Variants in HS6ST2 observed in about 807,000 individuals in gnomAD.
HS6ST2 encodes the protein heparan-sulfate 6-O-sulfotransferase 2.
A neutral mutation model predicts 33.0 loss-of-function variants in HS6ST2; 17 were observed. The ratio of observed to expected loss-of-function variants is 0.52; its 90% CI spans 0.35 to 0.77. The LOEUF is 0.77. Among genes scored for constraint, HS6ST2 ranks in the 30% least tolerant of loss-of-function variants. The pLI is 0.01. For synonymous variants in HS6ST2, 248 were observed against 237.1 expected (o/e 1.05, Z -0.42); for missense variants, 519 against 551.7 (o/e 0.94, Z 0.59).
chrX:132,761,343 C>T (rs2064803232), intron 2 of HS6ST2, among the ~76,000 whole-genome samples: 1 of 111,591 alleles, frequency 9.0e-6, no homozygotes, highest in African/African-American at 3.3e-5. Flanking sequence ...AGTGAGTGCC[C>T]AGAAGTCAAT....
intron 4 of HS6ST2, among the ~76,000 whole-genome samples, chrX:132,660,368 G>A (rs1169667459): frequency 9.0e-6 from 1 of 111,461 alleles, no homozygotes; most frequent in Non-Finnish European, 1.9e-5. Flanking sequence ...CGAGGGCAAT[G>A]CTAGGCTTTT....
intron 2 of HS6ST2, among the ~76,000 whole-genome samples, chrX:132,796,547 A>G (rs2065182067): frequency 8.9e-6 from 1 of 112,656 alleles, no homozygotes; most frequent in Non-Finnish European, 1.9e-5. Context: ...TCCAGTGCCC[A>G]TCACATAAAA....
intron 2 of HS6ST2, among the ~76,000 whole-genome samples, chrX:132,797,676 G>A (rs1490107933): frequency 3.6e-5 from 4 of 110,841 alleles, no homozygotes; most frequent in Non-Finnish European, 7.5e-5. Context: ...GCTGATCTGA[G>A]TATTGATCTA....
At chrX:132,866,597 C>A (rs1190621377) in intron 2 of HS6ST2, among the ~76,000 whole-genome samples, 3 of 82,540 alleles carry the variant, frequency 3.6e-5, no homozygotes, top group African/African-American at 1.4e-4. Context: ...GATATTGATT[C>A]TTCCTATCCA....
At chrX:132,889,355 G>C (rs1316821219) in intron 2 of HS6ST2, among the ~76,000 whole-genome samples, 1 of 111,385 alleles carries the variant, frequency 9.0e-6, no homozygotes, top group African/African-American at 3.3e-5. Flanking sequence ...GGAATTATGA[G>C]TCATCTGTTG....
chrX:132,817,410 G>T (rs2065404745), intron 2 of HS6ST2, among the ~76,000 whole-genome samples: 1 of 111,457 alleles, frequency 9.0e-6, no homozygotes, highest in African/African-American at 3.3e-5. Context: ...TAGTGAGCCA[G>T]TTGGGAGAAG....
intron 2 of HS6ST2, among the ~76,000 whole-genome samples, chrX:132,792,957 C>T (rs1323627684): frequency 9.2e-6 from 1 of 108,697 alleles, no homozygotes; most frequent in African/African-American, 3.4e-5. Flanking sequence ...TAGTGAGTTA[C>T]CACTTAGCAC....
intron 2 of HS6ST2, among the ~76,000 whole-genome samples, chrX:132,750,583 A>G (rs754019737): frequency 2.6e-4 from 29 of 111,760 alleles, no homozygotes; most frequent in Non-Finnish European, 2.3e-4. Context: ...TTGTGGTGTG[A>G]TGGGCCAAGG....
chrX:132,869,510 A>T (rs2066034174), intron 2 of HS6ST2, among the ~76,000 whole-genome samples: 1 of 112,146 alleles, frequency 8.9e-6, no homozygotes, highest in African/African-American at 3.2e-5. Flanking sequence ...TGACGTGAAA[A>T]TCCTCAATGA....
intron 2 of HS6ST2, among the ~76,000 whole-genome samples, chrX:132,847,621 A>C (rs1216926838): frequency 1.8e-5 from 2 of 111,746 alleles, no homozygotes; most frequent in Non-Finnish European, 3.8e-5. Context: ...CACTAGTGAG[A>C]CCACATCTGA....
At chrX:132,698,430 G>T (rs766300945) in intron 3 of HS6ST2, among the ~76,000 whole-genome samples, 2 of 111,886 alleles carry the variant, frequency 1.8e-5, no homozygotes, top group African/African-American at 6.5e-5. Context: ...CAGTGCTGTT[G>T]GTAGCTATAG....
chrX:132,684,487 G>A (rs912187543), intron 3 of HS6ST2, among the ~76,000 whole-genome samples: 1 of 109,706 alleles, frequency 9.1e-6, no homozygotes, highest in Admixed American at 9.8e-5. Context: ...GCAAATGGGC[G>A]GCCTTTCTGT....
rs1288811308 is a variant in HS6ST2 at position 132,740,657 on chromosome X, GA to G, written c.948-32164del. Among the ~76,000 whole-genome samples the G allele has an allele frequency of 7.4e-4, 82 of 110,243 alleles. 1 individual carries two copies. Among genetic ancestry groups the G allele is most frequent in the African/African-American group, 2.4e-3 (72 of 30,392 alleles). On this transcript the variant is annotated intron_variant, in intron 2 of 4. Transcript: ENST00000370833. ...GGTGGTGTTTGCCTTTAGAAAGGGG[GA>G]AAAAAATTCAGGACTTTTTTTTTTT...
intron 4 of HS6ST2, among the ~76,000 whole-genome samples, chrX:132,638,861 T>C (rs760394704): frequency 2.7e-5 from 3 of 112,126 alleles, no homozygotes; most frequent in South Asian, 3.8e-4. Context: ...TTAGTTCTCC[T>C]TGAAGGAGTT....
At chrX:132,805,392 C>G (rs2065271632) in intron 2 of HS6ST2, among the ~76,000 whole-genome samples, 2 of 111,549 alleles carry the variant, frequency 1.8e-5, no homozygotes, top group South Asian at 7.6e-4. Context: ...GAGATTTTCT[C>G]AACAAGATCT....
intron 4 of HS6ST2, among the ~76,000 whole-genome samples, chrX:132,654,120 T>C (rs2063714074): frequency 9.0e-6 from 1 of 110,591 alleles, no homozygotes; most frequent in Non-Finnish European, 1.9e-5. Flanking sequence ...GTAGATCTTA[T>C]GTTGTAAGTG....
chrX:132,822,855 C>T (rs1245208488), intron 2 of HS6ST2, among the ~76,000 whole-genome samples: 12 of 112,174 alleles, frequency 1.1e-4, no homozygotes, highest in Admixed American at 1.0e-3. Context: ...CTCTTTCTTA[C>T]TTCCTGCACA....
At chrX:132,826,984 C>T (rs931542121) in intron 2 of HS6ST2, among the ~76,000 whole-genome samples, 3 of 110,792 alleles carry the variant, frequency 2.7e-5, no homozygotes, top group African/African-American at 6.6e-5. Context: ...AACTCCTTGG[C>T]GAAATACTAA....
intron 4 of HS6ST2, among the ~76,000 whole-genome samples, chrX:132,629,445 T>A (rs2063502429): frequency 9.0e-6 from 1 of 111,709 alleles, no homozygotes; most frequent in African/African-American, 3.3e-5. Context: ...CACCATTGGC[T>A]AACTAGGCAA....
Sources: allele counts gnomAD v4.1 joint callset (sites outside exome capture counted in the v4.1 genomes callset), GRCh38; gene constraint gnomAD v4.1.1; transcripts MANE v1.5; gene names NCBI Gene and HGNC (gene_info 2026-07-23, HGNC 2026-07-21).